The following TGIF1 variants were observed in gnomAD, a reference collection of about 807,000 sequenced individuals.
TGIF1 encodes the protein TGFB induced factor homeobox 1.
In TGIF1, 4 loss-of-function variants were observed where a neutral mutation model predicts 19.3. That is an observed-to-expected ratio of 0.21 (90% CI 0.10 to 0.47). The LOEUF (loss-of-function observed/expected upper bound fraction) is 0.47, where lower values mean the gene tolerates loss of function less well. Among genes scored for constraint, TGIF1 ranks in the 20% least tolerant of loss-of-function variants. TGIF1 has a pLI of 0.98. For missense variants in TGIF1, 275 were observed against 341.4 expected, an observed-to-expected ratio of 0.81 and a Z score of 1.53; for synonymous variants, 122 against 129.3, an observed-to-expected ratio of 0.94 and a Z score of 0.38.
intron 1 of TGIF1, among the ~76,000 whole-genome samples, chr18:3,452,728 C>T (rs939106971): frequency 1.4e-4 from 22 of 152,164 alleles, no homozygotes; most frequent in South Asian, 1.0e-3. Flanking sequence ...GGAGCCTTCC[C>T]CGTCGGCTCT....
intron 2 of TGIF1, among the ~76,000 whole-genome samples, chr18:3,419,298 G>A (rs779311336): frequency 1.3e-5 from 2 of 152,162 alleles, no homozygotes; most frequent in African/African-American, 2.4e-5. Context: ...TTAACTTTCT[G>A]TAGGGAAATA....
In TGIF1 at chr18:3,451,577, T is replaced by A. The variant is rs1568047567; in HGVS notation, c.16+1072T>A. On this transcript the variant is annotated intron_variant, in intron 1 of 2. Coordinates refer to ENST00000343820, the MANE Select transcript of TGIF1 (RefSeq NM_003244.4). This position sits in a 1 kb window ranked among gnomAD's most constrained non-coding sequence, Gnocchi z 5.4. ...CTACTGCGCATGCCCGGGAGCCGCC[T>A]GGAGTTTGGAACTCCACATTCTTTC... 9.8e-7 allele frequency: 1 copy of A among 1,025,598 alleles called. No homozygotes were observed. The highest frequency in any genetic ancestry group is 1.2e-6 in the Non-Finnish European group (1 of 856,924). The allele number at this position is 1,025,598 out of a possible 1,614,324, so 63.5% of individuals were successfully genotyped here.
rs377005894 is a variant in TGIF1, at chr18:3,420,786, G to A, written c.-45+2571G>A. ...AGGCCCTTAGCCCTTAGTTCTAGGA[G>A]GGGTGTTTAAGAAATATCAATATTT... On this transcript the variant is annotated intron_variant, in intron 2 of 3. Transcript: ENST00000401449. 3.9e-5 allele frequency among the ~76,000 whole-genome samples: 6 copies of A among 152,326 alleles called. No individual in the cohort carries two copies. The South Asian group carries it at 1.2e-3, about 32-fold the overall frequency.
intron 2 of TGIF1, among the ~76,000 whole-genome samples, chr18:3,440,292 A>C (rs990306512): frequency 6.6e-6 from 1 of 151,802 alleles, no homozygotes; most frequent in African/African-American, 2.4e-5. Flanking sequence ...CAGAGGTTGC[A>C]AGTGAGCCGA....
chr18:3,446,181 C>T (rs555365755), upstream of TGIF1, among the ~76,000 whole-genome samples: 1 of 152,122 alleles, frequency 6.6e-6, no homozygotes, highest in African/African-American at 2.4e-5. Context: ...ATTATCTTTC[C>T]GTTTTTTTGT....
At chr18:3,448,283 C>T (rs1328524617), upstream of TGIF1, 1 of 985,452 alleles carries the variant, frequency 1.0e-6, no homozygotes, top group East Asian at 1.1e-4. Flanking sequence ...CTCCTCCCTC[C>T]GCTCCCGGCT....
upstream of TGIF1, among the ~76,000 whole-genome samples, chr18:3,447,361 G>T (rs1389225649): frequency 6.7e-6 from 1 of 150,172 alleles, no homozygotes; most frequent in African/African-American, 2.4e-5. Context: ...AAAAGCACTG[G>T]AAAGAATCTT....
intron 2 of TGIF1, among the ~76,000 whole-genome samples, chr18:3,442,262 CT>C (rs1392431618): frequency 1.5e-5 from 2 of 136,400 alleles, no homozygotes; most frequent in Admixed American, 1.7e-4. Flanking sequence ...TTATAAATGG[CT>C]ACTCTAGAGC....
chr18:3,438,395 A>G (rs1438773563), intron 2 of TGIF1, among the ~76,000 whole-genome samples: 6 of 152,128 alleles, frequency 3.9e-5, no homozygotes, highest in Non-Finnish European at 1.5e-5. Flanking sequence ...GAGGACAAGC[A>G]TGCAGATAAG....
intron 2 of TGIF1, among the ~76,000 whole-genome samples, chr18:3,425,944 A>AC (rs2082462065): frequency 6.6e-6 from 1 of 151,578 alleles, no homozygotes; most frequent in Non-Finnish European, 1.5e-5. Context: ...GTGTCAGGAA[A>AC]CCCGCACCAT....
In TGIF1 at chr18:3,450,417, C is replaced by T. The variant is rs2082867629; in HGVS notation, c.-73C>T. The T allele has an allele frequency of 1.2e-5, 18 of 1,550,640 alleles. No homozygotes were observed. Among genetic ancestry groups the T allele is most frequent in the Non-Finnish European group, 1.6e-5 (18 of 1,146,752 alleles). ...GAGTCGGCTGTGAAGGAGACGTTCG[C>T]TTATCCCCTGTGTCCCCGCTCCTGG... On this transcript the variant is annotated 5_prime_UTR_variant, in exon 1 of 3. Transcript: ENST00000343820.
chr18:3,443,564 T>G (rs2082700928), intron 2 of TGIF1, among the ~76,000 whole-genome samples: 1 of 152,128 alleles, frequency 6.6e-6, no homozygotes, highest in South Asian at 2.1e-4. Context: ...CAATATAATA[T>G]GAAAATAATA....
upstream of TGIF1, chr18:3,448,079 G>C: frequency 3.1e-6 from 3 of 977,562 alleles, 1 homozygote; most frequent in South Asian, 9.5e-5. Flanking sequence ...CGGGCGGGGG[G>C]GGAGGTAGGG....
At chr18:3,433,170 C>T (rs1440331620) in intron 2 of TGIF1, among the ~76,000 whole-genome samples, 16 of 151,778 alleles carry the variant, frequency 1.1e-4, no homozygotes, top group Admixed American at 7.9e-4. Flanking sequence ...ACCTTCTGGG[C>T]TCAAGCACTC....
At chr18:3,447,937 G>A (rs1329879555), upstream of TGIF1, 2 of 1,443,688 alleles carry the variant, frequency 1.4e-6, no homozygotes, top group Non-Finnish European at 1.9e-6. Context: ...TCGGTTGCCT[G>A]AGAATCGCAG....
rs1568054114 is a variant in TGIF1, at chr18:3,456,695, CTT to C, written c.243+119_243+120del. The C allele has an allele frequency of 2.1e-6, 2 of 935,698 alleles. No individual in the cohort carries two copies. Among genetic ancestry groups the C allele is most frequent in the East Asian group, 5.1e-5 (2 of 39,212 alleles). The allele number at this position is 935,698 out of a possible 1,614,324, so 58.0% of individuals were successfully genotyped here. ...TGCCACTCAAAGACAGAAGGAATATCTTTTTATTGTAAACTTGATAGTGTTAA... is the reference window on the plus strand; with the variant it reads ...TGCCACTCAAAGACAGAAGGAATATCTTTATTGTAAACTTGATAGTGTTAA... On this transcript the variant is annotated intron_variant, in intron 2 of 2. Coordinates refer to ENST00000343820, the MANE Select transcript of TGIF1 (RefSeq NM_003244.4). This position sits in a 1 kb window ranked among gnomAD's most constrained non-coding sequence, Gnocchi z 4.2.
Position 3,450,210 on chromosome 18 carries a change from A to G in TGIF1, c.-280A>G. ...CGAGGTGCGCCGAGCAGGAGCAGGG[A>G]ACAAAGGAGCGGAGAGGGGAGGGGA... On this transcript the variant is annotated 5_prime_UTR_variant, in exon 1 of 3. Transcript: ENST00000343820. The G allele has an allele frequency of 6.5e-6, 9 of 1,393,946 alleles. No individual in the cohort carries two copies. The highest frequency in any genetic ancestry group is 8.4e-6 in the Non-Finnish European group (9 of 1,075,480). 86.3% of individuals were successfully genotyped at this position (1,393,946 alleles called of 1,614,324 possible).
At chr18:3,431,194 C>A (rs1447020932) in intron 2 of TGIF1, among the ~76,000 whole-genome samples, 1 of 152,186 alleles carries the variant, frequency 6.6e-6, no homozygotes, top group South Asian at 2.1e-4. Flanking sequence ...CACCTTTAAT[C>A]CCAGCACTTC....
At chr18:3,445,765 C>CAA (rs755240649), upstream of TGIF1, among the ~76,000 whole-genome samples, 157 of 35,838 alleles carry the variant, frequency 4.4e-3, 31 homozygotes, top group African/African-American at 0.019. Context: ...AGAAGAAAAG[C>CAA]AAAAAAAAAA....
Sources: allele counts gnomAD v4.1 joint callset (sites outside exome capture counted in the v4.1 genomes callset), GRCh38; gene constraint gnomAD v4.1.1; non-coding constraint Gnocchi (gnomAD v3.1); transcripts MANE v1.5; gene names NCBI Gene and HGNC (gene_info 2026-07-23, HGNC 2026-07-21).